SLC8A1: variants seen among roughly 807,000 people sequenced by gnomAD.
SLC8A1 encodes the protein solute carrier family 8 member A1.
Under a neutral mutation model 68.3 loss-of-function variants are expected in SLC8A1, and 18 were observed. The observed-to-expected ratio is 0.26, with a 90% CI of 0.18 to 0.39. SLC8A1 has a LOEUF of 0.39. Among genes scored for constraint, SLC8A1 ranks in the 10% least tolerant of loss-of-function variants. The pLI, the probability that SLC8A1 is intolerant of heterozygous loss-of-function variation, is 1.00. For missense variants in SLC8A1, 985 were observed against 1,156.7 expected (o/e 0.85, Z 2.15); for synonymous variants, 475 against 415.5 (o/e 1.14, Z -1.74).
rs372975021 is a variant in SLC8A1, at chr2:40,420,012, G to A, written c.1808+8461C>T. 3.3e-5 allele frequency among the ~76,000 whole-genome samples: 5 copies of A among 152,274 alleles called. No individual in the cohort carries two copies. In the East Asian group the frequency reaches 9.6e-4, roughly 29 times the overall value. On this transcript the variant is annotated intron_variant, in intron 2 of 7. Transcript: ENST00000406785. ...CACCTGAACATTGGTTTTGTATAAAGTATATGCAAGATGTAACTGGACATT... is the reference window on the plus strand; with the variant it reads ...CACCTGAACATTGGTTTTGTATAAAATATATGCAAGATGTAACTGGACATT...
At chr2:40,121,748 G>A (rs2036871595) in intron 7 of SLC8A1, among the ~76,000 whole-genome samples, 1 of 152,130 alleles carries the variant, frequency 6.6e-6, no homozygotes, top group Admixed American at 6.5e-5. Flanking sequence ...GATCCCCAGA[G>A]AATCCATACA....
At chr2:40,404,355 AG>A (rs1480038519) in intron 2 of SLC8A1, among the ~76,000 whole-genome samples, 1 of 152,228 alleles carries the variant, frequency 6.6e-6, no homozygotes, top group African/African-American at 2.4e-5. Flanking sequence ...GCAAACACTA[AG>A]AACCATTCTA....
chr2:40,161,952 C>G (rs2045760531), intron 5 of SLC8A1, among the ~76,000 whole-genome samples: 1 of 152,112 alleles, frequency 6.6e-6, no homozygotes, highest in Admixed American at 6.5e-5. Context: ...TGGGAGTAAG[C>G]AAAATGCTAT....
intron 2 of SLC8A1, among the ~76,000 whole-genome samples, chr2:40,246,764 CAG>C (rs539359404): frequency 4.3e-4 from 65 of 152,242 alleles, no homozygotes; most frequent in African/African-American, 1.5e-3. Flanking sequence ...CTCTCTGAAA[CAG>C]AAAAGTTTTT....
chr2:40,445,901 G>T (rs951609780), intron 1 of SLC8A1, among the ~76,000 whole-genome samples: 6 of 152,208 alleles, frequency 3.9e-5, no homozygotes, highest in Non-Finnish European at 8.8e-5. Context: ...CCACAGTTGG[G>T]TCTCTAACAC....
intron 7 of SLC8A1, among the ~76,000 whole-genome samples, chr2:40,117,544 A>C (rs1354083835): frequency 6.6e-6 from 1 of 151,258 alleles, no homozygotes; most frequent in East Asian, 1.9e-4. Context: ...CAGCCTGGGC[A>C]ACAGAGTGAG....
intron 2 of SLC8A1, among the ~76,000 whole-genome samples, chr2:40,241,534 G>A (rs1376515130): frequency 2.0e-5 from 3 of 152,202 alleles, no homozygotes; most frequent in Admixed American, 2.0e-4. Context: ...CACAATGTGA[G>A]TAAAGTACCT....
In SLC8A1 at chr2:40,139,694, A is replaced by C. The variant is rs1253816388; in HGVS notation, c.2162-18T>G. On this transcript the variant is annotated intron_variant, in intron 6 of 7. Coordinates refer to ENST00000406785, the Ensembl canonical transcript of SLC8A1. ...ATCTTCCCCTAGAGAGAATGGAAGG[A>C]AGCACATTTCATCACAACCTGTGTT... The C allele has an allele frequency of 6.2e-7, 1 of 1,607,346 alleles. No individual in the cohort carries two copies. The highest frequency in any genetic ancestry group is 1.7e-5 in the Admixed American group (1 of 59,816).
intron 2 of SLC8A1, among the ~76,000 whole-genome samples, chr2:40,354,879 C>T (rs953690876): frequency 1.3e-4 from 19 of 151,830 alleles, no homozygotes; most frequent in African/African-American, 4.6e-4. Context: ...GACAATGCAC[C>T]CCTCCCTTTC....
chr2:40,452,765 G>T (rs1332925141), upstream of SLC8A1, among the ~76,000 whole-genome samples: 1 of 150,494 alleles, frequency 6.6e-6, no homozygotes, highest in African/African-American at 2.5e-5. Flanking sequence ...GAGATATTCG[G>T]GGGAGGGTGT....
chr2:40,511,686 A>G (rs1706735474), intron 1 of SLC8A1, among the ~76,000 whole-genome samples: 1 of 152,144 alleles, frequency 6.6e-6, no homozygotes. Flanking sequence ...TTCAGTCAGT[A>G]GAAAAAAAAG....
At chr2:40,232,155 A>G (rs529930857) in intron 2 of SLC8A1, among the ~76,000 whole-genome samples, 48 of 152,214 alleles carry the variant, frequency 3.2e-4, no homozygotes, top group African/African-American at 1.1e-3. Flanking sequence ...GATCTAGTAA[A>G]CGGGCTTTGG....
At chr2:40,472,449 C>A (rs17533866) in intron 1 of SLC8A1, among the ~76,000 whole-genome samples, 6,287 of 152,248 alleles carry the variant, frequency 0.041, 189 homozygotes, top group Non-Finnish European at 0.061. Context: ...ATTATCACAA[C>A]CCTATCTGTT....
intron 2 of SLC8A1, among the ~76,000 whole-genome samples, chr2:40,246,083 C>T (rs753743025): frequency 1.1e-4 from 17 of 152,116 alleles, no homozygotes; most frequent in Non-Finnish European, 2.2e-4. Flanking sequence ...TAAAAGTGTT[C>T]ATAGGTTTTA....
chr2:40,496,739 T>C (rs11898117), intron 1 of SLC8A1, among the ~76,000 whole-genome samples: 4,150 of 152,058 alleles, frequency 0.027, 196 homozygotes, highest in African/African-American at 0.092. Flanking sequence ...ACAGCCTACA[T>C]ATCCTTCAAA....
At chr2:40,431,114 A>C (rs1698185074) in intron 1 of SLC8A1, among the ~76,000 whole-genome samples, 1 of 152,138 alleles carries the variant, frequency 6.6e-6, no homozygotes, top group African/African-American at 2.4e-5. Context: ...TGGTTCTTCA[A>C]GCACAGCTCT....
At chr2:40,350,800 A>G (rs1670845671) in intron 2 of SLC8A1, among the ~76,000 whole-genome samples, 1 of 152,064 alleles carries the variant, frequency 6.6e-6, no homozygotes, top group South Asian at 2.1e-4. Flanking sequence ...AGTGCCTAGA[A>G]TGAGCCAGAA....
At chr2:40,401,658 AAG>A (rs1368106164) in intron 2 of SLC8A1, among the ~76,000 whole-genome samples, 4 of 137,716 alleles carry the variant, frequency 2.9e-5, no homozygotes, top group African/African-American at 1.1e-4. Context: ...AAAAAAAAAA[AAG>A]TTCCCCAAAG....
intron 1 of SLC8A1, among the ~76,000 whole-genome samples, chr2:40,441,110 C>A (rs907134833): frequency 2.0e-5 from 3 of 151,908 alleles, no homozygotes; most frequent in African/African-American, 7.3e-5. Context: ...TGCAAATATC[C>A]CAAGCATTCC....
Sources: allele counts gnomAD v4.1 joint callset (sites outside exome capture counted in the v4.1 genomes callset), GRCh38; gene constraint gnomAD v4.1.1; transcripts MANE v1.5; gene names NCBI Gene and HGNC (gene_info 2026-07-23, HGNC 2026-07-21).